RAD51: variants seen among roughly 807,000 people sequenced by gnomAD.
RAD51 encodes DNA repair protein RAD51 homolog 1.
RAD51 carries 14 observed loss-of-function variants against 41.5 expected under a neutral mutation model. That is an observed-to-expected ratio of 0.34 (90% CI 0.22 to 0.53). The LOEUF (loss-of-function observed/expected upper bound fraction) is 0.53, where lower values mean the gene tolerates loss of function less well. Ranked by LOEUF, RAD51 falls within the 20% of genes least tolerant of loss-of-function variation. The pLI is 0.95. For missense variants in RAD51, 234 were observed against 422.0 expected (o/e 0.55, Z 3.90); for synonymous variants, 136 against 148.6 (o/e 0.92, Z 0.62).
chr15:40,731,533 G>T lies in RAD51; in HGVS notation c.*355G>T. 1 of 349,126 alleles carries T rather than the reference G, an allele frequency of 2.9e-6. No individual in the cohort carries two copies. Among genetic ancestry groups the T allele is most frequent in the Non-Finnish European group, 5.3e-6 (1 of 187,750 alleles). 21.6% of individuals were successfully genotyped at this position (349,126 alleles called of 1,614,324 possible). Reference sequence around the variant, plus strand: ...AAGAGAACTAAAGCTGGAGAGACCTGACCCTTCTCTCACTTCTAAATTAAT... The same window carrying T: ...AAGAGAACTAAAGCTGGAGAGACCTTACCCTTCTCTCACTTCTAAATTAAT... On this transcript the variant is annotated 3_prime_UTR_variant, in exon 10 of 10. Coordinates refer to ENST00000267868, the MANE Select transcript of RAD51 (RefSeq NM_002875.5).
chr15:40,698,525 T>A (rs531357895), intron 1 of RAD51, among the ~76,000 whole-genome samples: 1 of 152,318 alleles, frequency 6.6e-6, no homozygotes, highest in South Asian at 2.1e-4. Flanking sequence ...AGTGAGATCA[T>A]GCAGTATTTG....
chr15:40,713,397 C>CA (rs1439310177), intron 5 of RAD51, among the ~76,000 whole-genome samples: 1 of 150,578 alleles, frequency 6.6e-6, no homozygotes, highest in East Asian at 2.0e-4. Flanking sequence ...GCCTGCCACC[C>CA]AACACAGCTA....
At chr15:40,720,440 C>T (rs1337450211) in intron 6 of RAD51, among the ~76,000 whole-genome samples, 1 of 151,838 alleles carries the variant, frequency 6.6e-6, no homozygotes, top group Non-Finnish European at 1.5e-5. Flanking sequence ...GCAAGGATGC[C>T]CACTTTCACT....
intron 6 of RAD51, among the ~76,000 whole-genome samples, chr15:40,719,349 G>A (rs1002270669): frequency 2.4e-4 from 36 of 151,220 alleles, no homozygotes; most frequent in South Asian, 1.3e-3. Flanking sequence ...GTGAGCCACC[G>A]CACCCGGCCA....
chr15:40,731,173 G>C lies in RAD51; in HGVS notation c.1015G>C (p.Asp339His), dbSNP rs1391217140. Residue 339 changes from aspartate to histidine, a missense_variant, in exon 10 of 10, where the codon GAC becomes CAC. This residue lies in a region of RAD51 where 134 missense variants were observed against 286.5 expected (regional missense o/e 0.47). Coordinates refer to ENST00000267868, the MANE Select transcript of RAD51 (RefSeq NM_002875.5). ...TGCAGATGGAGTGGGAGATGCCAAA[G>C]ACTGAATCATTGGGTTTTTCCTCTG... ...INADGVGDAK[D>H] The C allele has an allele frequency of 1.9e-6, 3 of 1,613,968 alleles. No individual in the cohort carries two copies. The highest frequency in any genetic ancestry group is 2.7e-5 in the African/African-American group (2 of 74,934).
rs145463564 is a variant in RAD51, at chr15:40,708,732, G to C, written c.344-293G>C. 4.0e-5 allele frequency among the ~76,000 whole-genome samples: 6 copies of C among 150,988 alleles called. No individual in the cohort carries two copies. The East Asian group carries it at 9.9e-4, about 25-fold the overall frequency. ...TGAGTAGCTGGTACTACAGGCATCC[G>C]CCACCATGCCCGGCTAATTTTTGTA... On this transcript the variant is annotated intron_variant, in intron 4 of 9. Coordinates refer to ENST00000267868, the MANE Select transcript of RAD51 (RefSeq NM_002875.5).
At chr15:40,707,143 C>T (rs937951395) in intron 4 of RAD51, among the ~76,000 whole-genome samples, 1 of 144,322 alleles carries the variant, frequency 6.9e-6, no homozygotes, top group African/African-American at 2.6e-5. Flanking sequence ...CATTTACCAC[C>T]TGGCTAATTT....
chr15:40,706,788 T>C (rs45503494), intron 4 of RAD51, among the ~76,000 whole-genome samples: 13,556 of 152,220 alleles, frequency 0.089, 631 homozygotes, highest in East Asian at 0.13. Context: ...ACTAAACTTA[T>C]CTGCAAATTA....
intron 1 of RAD51, chr15:40,695,842 GC>G (rs1366955563): frequency 6.6e-6 from 1 of 152,162 alleles, no homozygotes; most frequent in Non-Finnish European, 1.5e-5. Flanking sequence ...TTCACATGAT[GC>G]CTAGAGAATG....
intron 1 of RAD51, among the ~76,000 whole-genome samples, chr15:40,696,894 A>G (rs1162579360): frequency 6.6e-6 from 1 of 152,104 alleles, no homozygotes; most frequent in Non-Finnish European, 1.5e-5. Flanking sequence ...CCATTTTGAT[A>G]TCTTCTGTGA....
At chr15:40,698,348 C>T (rs1175959761) in intron 1 of RAD51, among the ~76,000 whole-genome samples, 1 of 151,910 alleles carries the variant, frequency 6.6e-6, no homozygotes, top group African/African-American at 2.4e-5. Flanking sequence ...GCCACCACAC[C>T]CTGCTAATAT....
intron 3 of RAD51, among the ~76,000 whole-genome samples, chr15:40,703,836 C>T (rs1895152993): frequency 6.6e-6 from 1 of 151,930 alleles, no homozygotes; most frequent in Admixed American, 6.6e-5. Flanking sequence ...TCTACCCTAA[C>T]CTGTATTATT....
rs1443073827 is a variant in RAD51 at position 40,701,049 on chromosome 15, TTTC to T, written c.88-11_88-9del. ...ACTAAAGCTTAAATTTATCCATGGT[TTTC>T]TTCATTTGCAGCAGTGTGGCATAAA... On this transcript the variant is annotated splice_polypyrimidine_tract_variant and intron_variant, in intron 2 of 9. Transcript: ENST00000267868. 1.2e-6 allele frequency: 2 copies of T among 1,614,074 alleles called. No homozygotes were observed. Among genetic ancestry groups the T allele is most frequent in the Non-Finnish European group, 1.7e-6 (2 of 1,180,028 alleles).
intron 3 of RAD51, among the ~76,000 whole-genome samples, chr15:40,702,664 C>G (rs1056021668): frequency 2.6e-5 from 4 of 151,912 alleles, no homozygotes; most frequent in Non-Finnish European, 4.4e-5. Context: ...ATTACAGGCT[C>G]CCACCACCAC....
At chr15:40,710,530 A>T (rs1046086752) in intron 5 of RAD51, among the ~76,000 whole-genome samples, 2 of 150,232 alleles carry the variant, frequency 1.3e-5, no homozygotes, top group African/African-American at 4.9e-5. Flanking sequence ...AAAAAGAATG[A>T]AAAAAGGAAA....
At chr15:40,726,706 A>T (rs990822669) in intron 6 of RAD51, among the ~76,000 whole-genome samples, 68 of 151,860 alleles carry the variant, frequency 4.5e-4, no homozygotes, top group African/African-American at 1.6e-3. Context: ...CAAGGTCAGG[A>T]GATCGAGACC....
At chr15:40,712,298 A>G (rs1199781538) in intron 5 of RAD51, among the ~76,000 whole-genome samples, 2 of 152,170 alleles carry the variant, frequency 1.3e-5, no homozygotes, top group Admixed American at 6.5e-5. Flanking sequence ...AAAGTGTTTG[A>G]GAGGGGAAGA....
At chr15:40,701,245 G>A (rs753880480) in intron 3 of RAD51, 44 bp downstream of exon 3, 1 of 1,599,692 alleles carries the variant, frequency 6.3e-7, no homozygotes, top group Non-Finnish European at 8.6e-7. Context: ...AGTGGGAATA[G>A]TACAAAAGGG....
intron 6 of RAD51, among the ~76,000 whole-genome samples, chr15:40,724,209 C>T (rs1439261054): frequency 6.6e-6 from 1 of 152,160 alleles, no homozygotes; most frequent in East Asian, 1.9e-4. Flanking sequence ...GCAGTCTGAT[C>T]TTAGTTTTCT....
Sources: allele counts gnomAD v4.1 joint callset (sites outside exome capture counted in the v4.1 genomes callset), GRCh38; gene constraint gnomAD v4.1.1; regional missense constraint gnomAD v4.1.1; transcripts MANE v1.5; gene names NCBI Gene and HGNC (gene_info 2026-07-23, HGNC 2026-07-21).